The following RIPOR2 variants were observed in gnomAD, a reference collection of about 807,000 sequenced individuals.
The protein encoded by RIPOR2 is RHO family interacting cell polarization regulator 2.
In RIPOR2, 39 loss-of-function variants were observed where a neutral mutation model predicts 114.5. The observed-to-expected ratio is 0.34, with a 90% CI of 0.26 to 0.44. The LOEUF is 0.44. Ranked by LOEUF, RIPOR2 falls within the 20% of genes least tolerant of loss-of-function variation. The probability of loss-of-function intolerance (pLI) is 1.00; values close to 1 mark genes in which losing one functional copy is unlikely to be tolerated. For missense variants in RIPOR2, 1,007 were observed against 1,255.1 expected, an observed-to-expected ratio of 0.80 and a Z score of 2.99; for synonymous variants, 445 against 484.4, an observed-to-expected ratio of 0.92 and a Z score of 1.07.
chr6:24,819,879 A>G (rs1363840555), intron 19 of RIPOR2, among the ~76,000 whole-genome samples: 1 of 152,062 alleles, frequency 6.6e-6, no homozygotes, highest in Non-Finnish European at 1.5e-5. Context: ...ATTCAAATGA[A>G]TAAGAATCAC....
intron 19 of RIPOR2, among the ~76,000 whole-genome samples, chr6:24,821,454 G>T (rs1179611903): frequency 6.6e-6 from 1 of 152,228 alleles, no homozygotes; most frequent in Non-Finnish European, 1.5e-5. Flanking sequence ...AAAGTGCTGG[G>T]ATTACAGGCG....
At chr6:24,968,637 C>T (rs1561814867) in intron 1 of RIPOR2, among the ~76,000 whole-genome samples, 1 of 152,158 alleles carries the variant, frequency 6.6e-6, no homozygotes, top group African/African-American at 2.4e-5. Flanking sequence ...GCCAAGGATG[C>T]TGCTAAACAG....
rs146699582 is a variant in RIPOR2 at position 24,971,282 on chromosome 6, C to T, written c.76+70569G>A. Among the ~76,000 whole-genome samples, 8 of 152,288 alleles carry T rather than the reference C, an allele frequency of 5.3e-5. No individual in the cohort carries two copies. The East Asian group carries it at 1.4e-3, about 26-fold the overall frequency. ...CATTGCCTTACTGCCAAGAAGACTT[C>T]GATCAGGGAGATCAGGGTGACATGT... On this transcript the variant is annotated intron_variant, in intron 1 of 13. Transcript: ENST00000510784.
rs569291060 is a variant in RIPOR2 at position 24,871,866 on chromosome 6, G to A, written c.424-977C>T. 4.6e-5 allele frequency among the ~76,000 whole-genome samples: 7 copies of A among 152,312 alleles called. No individual in the cohort carries two copies. In the South Asian group the frequency reaches 8.3e-4, roughly 18 times the overall value. On this transcript the variant is annotated intron_variant, in intron 4 of 21. Transcript: ENST00000643898. ...GAGATATTTGCAGCCACTGAGGATG[G>A]TCAAGCGCATTCACCAGCTCTGAAA...
chr6:25,030,195 A>C (rs1045003324), intron 1 of RIPOR2, among the ~76,000 whole-genome samples: 3 of 152,092 alleles, frequency 2.0e-5, no homozygotes, highest in Non-Finnish European at 2.9e-5. Flanking sequence ...AGGTTGTATA[A>C]TCATATACAA....
intron 1 of RIPOR2, among the ~76,000 whole-genome samples, chr6:24,919,369 T>C (rs748125923): frequency 1.1e-4 from 17 of 152,218 alleles, no homozygotes; most frequent in Non-Finnish European, 2.4e-4. Context: ...CTGCTGGAGA[T>C]GAAAATTTCA....
At chr6:24,979,367 A>G (rs1192135072) in intron 1 of RIPOR2, among the ~76,000 whole-genome samples, 1 of 148,752 alleles carries the variant, frequency 6.7e-6, no homozygotes, top group East Asian at 2.0e-4. Context: ...AACACTGCAC[A>G]TTAACTGTCC....
chr6:24,988,372 C>A (rs1383019081), intron 1 of RIPOR2, among the ~76,000 whole-genome samples: 4 of 152,166 alleles, frequency 2.6e-5, no homozygotes, highest in African/African-American at 9.7e-5. Flanking sequence ...CAGGATTTTG[C>A]CATGTTGGCC....
chr6:24,911,979 G>A (rs1487946460), intron 1 of RIPOR2, among the ~76,000 whole-genome samples: 1 of 152,216 alleles, frequency 6.6e-6, no homozygotes, highest in South Asian at 2.1e-4. Context: ...GACATTAGCC[G>A]AAAGGGAACA....
Position 25,026,896 on chromosome 6 carries a change from C to T in RIPOR2, c.76+14955G>A, listed in dbSNP as rs562572022. On this transcript the variant is annotated intron_variant, in intron 1 of 13. Transcript: ENST00000510784. ...CAGTGGAGAGGAGGCTGAGAAGAGG[C>T]CACTCTGCCATGCTCCACAGGCCCT... Among the ~76,000 whole-genome samples the T allele has an allele frequency of 2.0e-5, 3 of 152,248 alleles. No individual in the cohort carries two copies. In the South Asian group the frequency reaches 6.2e-4, roughly 32 times the overall value.
chr6:24,870,066 A>G (rs1306336969), intron 5 of RIPOR2, among the ~76,000 whole-genome samples: 1 of 152,244 alleles, frequency 6.6e-6, no homozygotes, highest in East Asian at 1.9e-4. Flanking sequence ...TTTTTTAAAA[A>G]GAAAGAGAAA....
At chr6:24,905,669 G>A (rs1431856458) in intron 1 of RIPOR2, among the ~76,000 whole-genome samples, 4 of 152,214 alleles carry the variant, frequency 2.6e-5, no homozygotes, top group African/African-American at 4.8e-5. Context: ...TAAATCAAGC[G>A]TCATACTGGA....
At chr6:24,862,827 T>C (rs1476097468) in intron 7 of RIPOR2, among the ~76,000 whole-genome samples, 2 of 140,406 alleles carry the variant, frequency 1.4e-5, no homozygotes, top group African/African-American at 5.2e-5. Context: ...CCACAGCCAC[T>C]GATGAACATT....
intron 1 of RIPOR2, chr6:24,910,480 C>T (rs1189870142): frequency 6.6e-6 from 1 of 152,432 alleles, no homozygotes; most frequent in Admixed American, 6.5e-5. Context: ...CTCCCTGACT[C>T]CCGGGGCCCG....
chr6:24,958,315 T>C (rs1289880790), intron 1 of RIPOR2, among the ~76,000 whole-genome samples: 1 of 152,234 alleles, frequency 6.6e-6, no homozygotes, highest in African/African-American at 2.4e-5. Flanking sequence ...GAAGGATGGA[T>C]TCTGATACTC....
At chr6:24,962,719 T>C (rs1035184468) in intron 1 of RIPOR2, among the ~76,000 whole-genome samples, 9 of 152,140 alleles carry the variant, frequency 5.9e-5, no homozygotes, top group African/African-American at 2.2e-4. Flanking sequence ...AAAAAGGAGA[T>C]TGTACACTGA....
intron 1 of RIPOR2, among the ~76,000 whole-genome samples, chr6:24,960,156 G>A (rs925610527): frequency 3.9e-5 from 6 of 152,144 alleles, no homozygotes; most frequent in African/African-American, 1.4e-4. Context: ...ACCAAAAAGG[G>A]TATGGAGGAT....
chr6:24,962,005 C>T (rs1561810321), intron 1 of RIPOR2, among the ~76,000 whole-genome samples: 1 of 152,092 alleles, frequency 6.6e-6, no homozygotes, highest in Non-Finnish European at 1.5e-5. Context: ...AAAGTATGGT[C>T]CAGAGAGGCT....
chr6:24,988,391 C>G (rs1251354947), intron 1 of RIPOR2, among the ~76,000 whole-genome samples: 1 of 152,150 alleles, frequency 6.6e-6, no homozygotes, highest in South Asian at 2.1e-4. Context: ...CCAGGCTGGT[C>G]TCAAACTGCT....
Sources: gnomAD v4.1 joint callset for allele counts (sites outside exome capture counted in the v4.1 genomes callset) on GRCh38, gnomAD v4.1.1 for gene constraint, MANE v1.5 for transcripts, NCBI Gene and HGNC (gene_info 2026-07-23, HGNC 2026-07-21) for gene names.